Variants in GRXCR2 observed in about 807,000 individuals in gnomAD.
GRXCR2 encodes the protein glutaredoxin domain-containing cysteine-rich protein 2.
In GRXCR2, 23 loss-of-function variants were observed where a neutral mutation model predicts 24.8. The observed-to-expected ratio is 0.93, with a 90% CI of 0.67 to 1.32. GRXCR2 has a LOEUF of 1.32. Ranked by LOEUF, GRXCR2 falls within the 40% of genes most tolerant of loss-of-function variation. GRXCR2 has a pLI of 0.00. For synonymous variants in GRXCR2, 130 were observed against 116.1 expected (o/e 1.12, Z -0.77); for missense variants, 315 against 303.4 (o/e 1.04, Z -0.28).
chr5:145,895,086 G>A (rs547380120), intron 2 of GRXCR2, among the ~76,000 whole-genome samples: 4 of 151,926 alleles, frequency 2.6e-5, no homozygotes, highest in East Asian at 3.9e-4. Flanking sequence ...ATTCAACAAC[G>A]CTTCATGCTA....
At chr5:145,894,545 A>T (rs1261103165) in intron 2 of GRXCR2, among the ~76,000 whole-genome samples, 1 of 152,204 alleles carries the variant, frequency 6.6e-6, no homozygotes, top group Middle Eastern at 3.2e-3. Flanking sequence ...GAAATGCATA[A>T]ATTCCTGGAC....
chr5:145,864,081 A>G (rs1756387337), intron 2 of GRXCR2, among the ~76,000 whole-genome samples: 2 of 152,144 alleles, frequency 1.3e-5, no homozygotes, highest in Admixed American at 1.3e-4. Context: ...TGAGGGGTGT[A>G]AGGTGCCCTG....
chr5:145,909,134 CTT>C (rs1757129535), intron 2 of GRXCR2, among the ~76,000 whole-genome samples: 1 of 152,168 alleles, frequency 6.6e-6, no homozygotes, highest in Non-Finnish European at 1.5e-5. Flanking sequence ...ATGTGAAGCA[CTT>C]AACATAGTAC....
chr5:145,922,526 A>C (rs999524113), intron 2 of GRXCR2, among the ~76,000 whole-genome samples: 2 of 152,242 alleles, frequency 1.3e-5, no homozygotes, highest in African/African-American at 4.8e-5. Flanking sequence ...CATCAGGCTT[A>C]GCACAATGCC....
At chr5:145,921,684 C>T (rs1757322657) in intron 2 of GRXCR2, among the ~76,000 whole-genome samples, 1 of 152,178 alleles carries the variant, frequency 6.6e-6, no homozygotes, top group Non-Finnish European at 1.5e-5. Flanking sequence ...ACCAGCTCCT[C>T]ACCCAAAATA....
At chr5:145,920,584 C>G (rs2895643) in intron 2 of GRXCR2, among the ~76,000 whole-genome samples, 1 of 152,100 alleles carries the variant, frequency 6.6e-6, no homozygotes, top group Admixed American at 6.5e-5. Context: ...ACTCAAGTTC[C>G]CTCTTCCCCA....
intron 2 of GRXCR2, among the ~76,000 whole-genome samples, chr5:145,929,569 A>G (rs889869503): frequency 6.6e-6 from 1 of 152,188 alleles, no homozygotes; most frequent in Non-Finnish European, 1.5e-5. Context: ...TTGGCACAAT[A>G]CAATTAACTA....
chr5:145,908,539 T>C (rs1757120995), intron 2 of GRXCR2, among the ~76,000 whole-genome samples: 1 of 152,206 alleles, frequency 6.6e-6, no homozygotes, highest in Non-Finnish European at 1.5e-5. Context: ...AGGGATCTTT[T>C]AAATGTTAAT....
rs114333623 is a variant in GRXCR2, at chr5:145,860,632, C to T, written c.565-717G>A. 8.1e-3 allele frequency among the ~76,000 whole-genome samples: 1,231 copies of T among 152,264 alleles called. 19 individuals carry two copies. The highest frequency in any genetic ancestry group is 0.029 in the African/African-American group (1,185 of 41,540). ...TTCAAAGCTTAGCTCTGTATGCTTGCAGTACTTATATCTTTATTCTCTTTG... is the reference window on the plus strand; with the variant it reads ...TTCAAAGCTTAGCTCTGTATGCTTGTAGTACTTATATCTTTATTCTCTTTG... On this transcript the variant is annotated intron_variant, in intron 2 of 2. Transcript: ENST00000377976.
intron 2 of GRXCR2, among the ~76,000 whole-genome samples, chr5:145,929,510 A>G (rs935490628): frequency 6.6e-6 from 1 of 152,110 alleles, no homozygotes; most frequent in Non-Finnish European, 1.5e-5. Context: ...TCCCCCAATC[A>G]TAAGTTTTCA....
intron 2 of GRXCR2, among the ~76,000 whole-genome samples, chr5:145,884,170 G>C (rs967558580): frequency 6.6e-6 from 1 of 152,094 alleles, no homozygotes; most frequent in East Asian, 1.9e-4. Context: ...AGCAAGCTTA[G>C]GTTTTGGTTT....
At chr5:145,874,209 ATT>A (rs1184224409), upstream of GRXCR2, among the ~76,000 whole-genome samples, 15 of 141,598 alleles carry the variant, frequency 1.1e-4, no homozygotes, top group African/African-American at 3.6e-4. Flanking sequence ...ATTTTATTTT[ATT>A]TTTTTTTTTT....
At chr5:145,895,617 C>G (rs1376065103) in intron 2 of GRXCR2, among the ~76,000 whole-genome samples, 1 of 152,114 alleles carries the variant, frequency 6.6e-6, no homozygotes, top group African/African-American at 2.4e-5. Flanking sequence ...AACCACTGCT[C>G]AATGAAATAA....
chr5:145,876,189 G>A (rs1048255198), upstream of GRXCR2, among the ~76,000 whole-genome samples: 1 of 68,446 alleles, frequency 1.5e-5, no homozygotes, highest in Non-Finnish European at 2.5e-5. Flanking sequence ...ATGTGTGTGT[G>A]TGTATATATA....
At chr5:145,881,917 G>T (rs969081627) in intron 2 of GRXCR2, among the ~76,000 whole-genome samples, 7 of 152,138 alleles carry the variant, frequency 4.6e-5, no homozygotes, top group African/African-American at 1.7e-4. Context: ...CAAGAAGTGG[G>T]GAAAGGATTC....
chr5:145,907,864 A>G (rs1324638024), intron 2 of GRXCR2, among the ~76,000 whole-genome samples: 1 of 152,208 alleles, frequency 6.6e-6, no homozygotes, highest in Non-Finnish European at 1.5e-5. Flanking sequence ...GAAGACAGAC[A>G]GGAGCAAATT....
chr5:145,859,998 A>C (rs1756307273), intron 2 of GRXCR2, 83 bp from the exon 3 acceptor site: 13 of 1,161,210 alleles, frequency 1.1e-5, no homozygotes, highest in Non-Finnish European at 1.6e-5. Context: ...ACTAGACTAC[A>C]GCAAAGGCTG....
At chr5:145,874,471 G>A (rs1444539826), upstream of GRXCR2, among the ~76,000 whole-genome samples, 1 of 152,078 alleles carries the variant, frequency 6.6e-6, no homozygotes, top group Non-Finnish European at 1.5e-5. Flanking sequence ...CAAAGTGCTG[G>A]GACTACAGGC....
intron 2 of GRXCR2, among the ~76,000 whole-genome samples, chr5:145,894,208 A>T (rs990198997): frequency 1.3e-4 from 20 of 152,216 alleles, no homozygotes; most frequent in African/African-American, 4.8e-4. Flanking sequence ...ACACCCTAAC[A>T]TCACAATTAA....
Sources: gnomAD v4.1 joint callset for allele counts (sites outside exome capture counted in the v4.1 genomes callset) on GRCh38, gnomAD v4.1.1 for gene constraint, MANE v1.5 for transcripts, NCBI Gene and HGNC (gene_info 2026-07-23, HGNC 2026-07-21) for gene names.